WDFY2: variants seen among roughly 807,000 people sequenced by gnomAD.
WDFY2 encodes the protein WD repeat and FYVE domain containing 2, also known as WD repeat and FYVE domain-containing protein 2.
In WDFY2, 36 loss-of-function variants were observed where a neutral mutation model predicts 56.4. That is an observed-to-expected ratio of 0.64 (90% CI 0.49 to 0.84). The LOEUF is 0.84. Among genes scored for constraint, WDFY2 ranks in the 40% least tolerant of loss-of-function variants. WDFY2 has a pLI of 0.00. For synonymous variants in WDFY2, 176 were observed against 183.7 expected (o/e 0.96, Z 0.34); for missense variants, 444 against 512.2 (o/e 0.87, Z 1.29).
chr13:51,664,743 T>C (rs998618775), intron 2 of WDFY2, among the ~76,000 whole-genome samples: 1 of 152,246 alleles, frequency 6.6e-6, no homozygotes, highest in Admixed American at 6.5e-5. Flanking sequence ...CTTTCAGTTT[T>C]TCCTGGATCT....
Position 51,612,326 on chromosome 13 carries a change from G to A in WDFY2, c.137+27502G>A, listed in dbSNP as rs58586468. On this transcript the variant is annotated intron_variant, in intron 1 of 11. Coordinates refer to ENST00000298125, the MANE Select transcript of WDFY2 (RefSeq NM_052950.4). ...GTATTTATGTATGAAATCCATTTTA[G>A]ACAGTTCCTAAGTATTTGGTGATTG... 7.4e-3 allele frequency among the ~76,000 whole-genome samples: 1,128 copies of A among 152,222 alleles called. 19 individuals are homozygous for A. Among genetic ancestry groups the A allele is most frequent in the African/African-American group, 0.026 (1,075 of 41,544 alleles).
chr13:51,641,825 CAAAAAAAAAAAAAAAAAA>C (rs750489541), intron 1 of WDFY2, among the ~76,000 whole-genome samples: 1 of 37,420 alleles, frequency 2.7e-5, no homozygotes, highest in Non-Finnish European at 5.1e-5. Flanking sequence ...GACTCCGTCT[CAAAAAAAAAAAAAAAAAA>C]AAAAAAAAAA....
At chr13:51,671,927 G>A (rs1370857867) in intron 2 of WDFY2, among the ~76,000 whole-genome samples, 1 of 151,808 alleles carries the variant, frequency 6.6e-6, no homozygotes, top group African/African-American at 2.4e-5. Flanking sequence ...AGGACTACAG[G>A]TGTGTACCGT....
At position 51,585,054 on chromosome 13, in the gene WDFY2, T is replaced by C. The variant is rs985884007; in HGVS notation, c.137+230T>C. Among the ~76,000 whole-genome samples, 3 of 152,296 alleles carry C rather than the reference T, an allele frequency of 2.0e-5. No homozygotes were observed. In the East Asian group the frequency reaches 5.8e-4, roughly 29 times the overall value. ...CGAGCGCTCCGGCTTCACCCCGGGC[T>C]GGGTAGTGCCTGCGGGAGCCGGGTG... On this transcript the variant is annotated intron_variant, in intron 1 of 11. Transcript: ENST00000298125.
At chr13:51,683,811 T>C (rs1036216993) in intron 3 of WDFY2, among the ~76,000 whole-genome samples, 2 of 152,190 alleles carry the variant, frequency 1.3e-5, no homozygotes, top group Non-Finnish European at 2.9e-5. Context: ...GTATTAGGTA[T>C]GTCCTAGTCT....
chr13:51,718,588 A>G (rs1021947605), intron 4 of WDFY2, among the ~76,000 whole-genome samples: 1 of 151,528 alleles, frequency 6.6e-6, no homozygotes, highest in African/African-American at 2.4e-5. Flanking sequence ...ACACACACAC[A>G]CACACACACA....
At chr13:51,645,597 G>A (rs1202682360) in intron 1 of WDFY2, among the ~76,000 whole-genome samples, 1 of 152,140 alleles carries the variant, frequency 6.6e-6, no homozygotes, top group African/African-American at 2.4e-5. Context: ...TTTCCACTGT[G>A]AATATAGTTC....
chr13:51,633,659 C>G (rs898199197), intron 1 of WDFY2, among the ~76,000 whole-genome samples: 2 of 151,938 alleles, frequency 1.3e-5, no homozygotes, highest in Non-Finnish European at 2.9e-5. Flanking sequence ...CTTTTTTTCT[C>G]CTGAATTAGT....
At chr13:51,717,985 C>A (rs994368916) in intron 4 of WDFY2, among the ~76,000 whole-genome samples, 6 of 152,142 alleles carry the variant, frequency 3.9e-5, no homozygotes, top group Admixed American at 1.3e-4. Flanking sequence ...TGAAATCATC[C>A]ACTTTGCAGG....
At chr13:51,646,622 T>C (rs1955268036) in intron 1 of WDFY2, among the ~76,000 whole-genome samples, 1 of 152,204 alleles carries the variant, frequency 6.6e-6, no homozygotes, top group Admixed American at 6.5e-5. Context: ...ATGTGTGTCG[T>C]GTAAATTAAT....
At chr13:51,695,843 T>G (rs1443021166) in intron 3 of WDFY2, among the ~76,000 whole-genome samples, 1 of 152,214 alleles carries the variant, frequency 6.6e-6, no homozygotes, top group African/African-American at 2.4e-5. Context: ...AGTTGGAGCT[T>G]CCGGGCTGCT....
chr13:51,719,400 T>C, intron 5 of WDFY2, 52 bp downstream of exon 5: 1 of 1,507,532 alleles, frequency 6.6e-7, no homozygotes, highest in African/African-American at 1.4e-5. Flanking sequence ...TGTTGTTCTC[T>C]TTGATTCATG....
At chr13:51,707,970 T>G (rs1240559136) in intron 4 of WDFY2, among the ~76,000 whole-genome samples, 1 of 127,118 alleles carries the variant, frequency 7.9e-6, no homozygotes, top group Non-Finnish European at 1.7e-5. Flanking sequence ...TTTTTTTTTT[T>G]TGGAGACTGA....
chr13:51,697,491 T>C (rs1357886865), intron 3 of WDFY2, among the ~76,000 whole-genome samples: 1 of 151,714 alleles, frequency 6.6e-6, no homozygotes, highest in Admixed American at 6.6e-5. Context: ...AAATTAGCCA[T>C]GTGTGGTGGC....
chr13:51,699,291 T>A (rs1292504270), intron 3 of WDFY2, among the ~76,000 whole-genome samples: 1 of 152,170 alleles, frequency 6.6e-6, no homozygotes, highest in Non-Finnish European at 1.5e-5. Flanking sequence ...TCTCCATCCC[T>A]TCCTTCAGTG....
At chr13:51,709,769 G>T (rs1420979585) in intron 4 of WDFY2, among the ~76,000 whole-genome samples, 1 of 152,066 alleles carries the variant, frequency 6.6e-6, no homozygotes, top group African/African-American at 2.4e-5. Flanking sequence ...CCAATAACAG[G>T]TTCTGAAACT....
chr13:51,652,500 C>T (rs1171873359), intron 1 of WDFY2, among the ~76,000 whole-genome samples: 3 of 152,152 alleles, frequency 2.0e-5, no homozygotes, highest in African/African-American at 2.4e-5. Context: ...TTCCTAGCCT[C>T]GATGGTCTTT....
chr13:51,720,947 T>C (rs1276113093), intron 5 of WDFY2, among the ~76,000 whole-genome samples: 1 of 94,810 alleles, frequency 1.1e-5, no homozygotes, highest in Non-Finnish European at 2.5e-5. Context: ...CTGTCTTCTC[T>C]CTCTCTCTCT....
At chr13:51,743,425 C>T (rs1003666567) in intron 7 of WDFY2, among the ~76,000 whole-genome samples, 3 of 152,146 alleles carry the variant, frequency 2.0e-5, no homozygotes, top group Non-Finnish European at 2.9e-5. Flanking sequence ...AGGAAAAACC[C>T]TCACAAGGTT....
Sources: allele counts gnomAD v4.1 joint callset (sites outside exome capture counted in the v4.1 genomes callset), GRCh38; gene constraint gnomAD v4.1.1; transcripts MANE v1.5; gene names NCBI Gene and HGNC (gene_info 2026-07-23, HGNC 2026-07-21).